JARID2: variants seen among roughly 807,000 people sequenced by gnomAD.
JARID2 encodes protein Jumonji.
Under a neutral mutation model 125.6 loss-of-function variants are expected in JARID2, and 21 were observed. That is an observed-to-expected ratio of 0.17 (90% CI 0.12 to 0.24). The LOEUF is 0.24. Ranked by LOEUF, JARID2 falls within the 10% of genes least tolerant of loss-of-function variation. JARID2 has a pLI of 1.00. For missense variants in JARID2, 1,303 were observed against 1,639.6 expected, an observed-to-expected ratio of 0.79 and a Z score of 3.55; for synonymous variants, 736 against 661.6, an observed-to-expected ratio of 1.11 and a Z score of -1.73.
chr6:15,369,377 CTAT>C (rs1412226050), intron 1 of JARID2: 14 of 402,042 alleles, frequency 3.5e-5, no homozygotes, highest in South Asian at 1.5e-4. Context: ...ATAAGAAATT[CTAT>C]TATTTTCAAA....
chr6:15,433,921 G>GGTGTGT (rs146025914), intron 3 of JARID2, among the ~76,000 whole-genome samples: 4,188 of 131,256 alleles, frequency 0.032, 89 homozygotes, highest in Admixed American at 0.038. Flanking sequence ...CACTCTCCAG[G>GGTGTGT]GTGTGTGTGT....
chr6:15,392,268 A>G (rs1273073880), intron 2 of JARID2, among the ~76,000 whole-genome samples: 1 of 152,098 alleles, frequency 6.6e-6, no homozygotes, highest in Non-Finnish European at 1.5e-5. Flanking sequence ...TACAGTTTTT[A>G]GTTTTCTGAA....
chr6:15,497,420 G>C (rs1404354516), intron 7 of JARID2, among the ~76,000 whole-genome samples: 1 of 152,160 alleles, frequency 6.6e-6, no homozygotes, highest in Non-Finnish European at 1.5e-5. Flanking sequence ...CCAGCACTTT[G>C]GGAGGCTGAG....
At chr6:15,433,688 C>T (rs1767069797) in intron 3 of JARID2, among the ~76,000 whole-genome samples, 1 of 152,078 alleles carries the variant, frequency 6.6e-6, no homozygotes, top group South Asian at 2.1e-4. Context: ...TCGATGCACC[C>T]ACTACTGCCC....
intron 3 of JARID2, among the ~76,000 whole-genome samples, chr6:15,413,410 T>C (rs1765991036): frequency 6.6e-6 from 1 of 152,204 alleles, no homozygotes; most frequent in Admixed American, 6.5e-5. Flanking sequence ...TGTTGTAGTT[T>C]GTTTCGTGTT....
intron 1 of JARID2, among the ~76,000 whole-genome samples, chr6:15,263,072 GTT>G (rs1491189529): frequency 2.4e-4 from 28 of 118,056 alleles, no homozygotes; most frequent in African/African-American, 6.6e-4. Flanking sequence ...GAGGGTGTGT[GTT>G]TGTGTGTGTG....
chr6:15,504,341 T>C (rs1284658881), intron 8 of JARID2, among the ~76,000 whole-genome samples, 159 bp from the exon 9 acceptor site: 1 of 152,236 alleles, frequency 6.6e-6, no homozygotes, highest in African/African-American at 2.4e-5. Flanking sequence ...TCTTAGAGAA[T>C]ATATTTCTTC....
chr6:15,293,965 G>C (rs1429478724), intron 1 of JARID2, among the ~76,000 whole-genome samples: 1 of 152,214 alleles, frequency 6.6e-6, no homozygotes, highest in Non-Finnish European at 1.5e-5. Context: ...TCTCTTTTCT[G>C]TGTGAGTAAA....
chr6:15,246,614 C>CT (rs1392764416), intron 1 of JARID2, 30 bp downstream of exon 1: 1 of 1,586,822 alleles, frequency 6.3e-7, no homozygotes, highest in East Asian at 2.2e-5. Context: ...CATCCTTTGA[C>CT]TTGCAGTTTT....
At chr6:15,330,624 A>G (rs1344801050) in intron 1 of JARID2, among the ~76,000 whole-genome samples, 2 of 152,266 alleles carry the variant, frequency 1.3e-5, no homozygotes, top group African/African-American at 2.4e-5. Flanking sequence ...TATTAAAAGC[A>G]TAGAGTGTAA....
At chr6:15,304,675 A>G (rs1163854278) in intron 1 of JARID2, among the ~76,000 whole-genome samples, 1 of 152,178 alleles carries the variant, frequency 6.6e-6, no homozygotes, top group Non-Finnish European at 1.5e-5. Context: ...AGGCTTTAAA[A>G]TCCACCCATA....
chr6:15,315,519 GC>G (rs1293494148), intron 1 of JARID2, among the ~76,000 whole-genome samples: 2 of 152,168 alleles, frequency 1.3e-5, no homozygotes, highest in African/African-American at 4.8e-5. Context: ...TGCTCAGTCT[GC>G]CATTTTAACA....
At position 15,517,392 on chromosome 6, in the gene JARID2, G is replaced by C. The variant is rs1311653488; in HGVS notation, c.3558+124G>C. 3 of 686,158 alleles carry C rather than the reference G, an allele frequency of 4.4e-6. No homozygotes were observed. In the East Asian group the frequency reaches 7.9e-5, roughly 18 times the overall value. The allele number at this position is 686,158 out of a possible 1,614,324, so 42.5% of individuals were successfully genotyped here. ...CGGGTAGTCAGGGCTCTGCAGGCCT[G>C]AGGTGCCCTGTTCTTAGGCCCTAAA... On this transcript the variant is annotated intron_variant, in intron 17 of 17. Coordinates refer to ENST00000341776, the MANE Select transcript of JARID2 (RefSeq NM_004973.4).
rs1351749521 is a variant in JARID2 at position 15,246,138 on chromosome 6, T to A, written c.-402T>A. Among the ~76,000 whole-genome samples, 1 of 152,116 alleles carries A rather than the reference T, an allele frequency of 6.6e-6. No homozygotes were observed. On this transcript the variant is annotated 5_prime_UTR_variant, in exon 1 of 18. Coordinates refer to ENST00000341776, the MANE Select transcript of JARID2 (RefSeq NM_004973.4). ...ACTTCCAACATTTTTTATTTATCTT[T>A]CCCTTTTCTTTTCCAAGATGTAACT...
chr6:15,415,120 C>T (rs1035410736), intron 3 of JARID2, among the ~76,000 whole-genome samples: 4 of 152,224 alleles, frequency 2.6e-5, no homozygotes, highest in Non-Finnish European at 5.9e-5. Flanking sequence ...TCAGAGAGCA[C>T]AGGGTTGGGG....
chr6:15,487,855 A>T (rs79072902), intron 6 of JARID2, among the ~76,000 whole-genome samples: 1 of 102,316 alleles, frequency 9.8e-6, no homozygotes, highest in Non-Finnish European at 1.8e-5. Context: ...AGTGGCAGGG[A>T]ACATGTTTTT....
intron 5 of JARID2, among the ~76,000 whole-genome samples, chr6:15,484,462 G>C (rs1769770220): frequency 6.6e-6 from 1 of 152,170 alleles, no homozygotes; most frequent in East Asian, 1.9e-4. Context: ...CTGCAGGGAG[G>C]GATATGAGGC....
intron 2 of JARID2, among the ~76,000 whole-genome samples, chr6:15,407,301 C>T (rs569397533): frequency 6.6e-6 from 1 of 152,014 alleles, no homozygotes; most frequent in Non-Finnish European, 1.5e-5. Context: ...CCCAGAGCAG[C>T]CAAAGCAGCA....
Position 15,512,324 on chromosome 6 carries a change from C to T in JARID2, c.3069C>T (p.Tyr1023=). The T allele has an allele frequency of 6.2e-7, 1 of 1,614,164 alleles. No homozygotes were observed. The highest frequency in any genetic ancestry group is 1.6e-4 in the Middle Eastern group (1 of 6,062). ...GSFVSKVCCG[Y]SVSETVHFAT... The stretch of plus-strand genomic sequence containing the variant: ...TTGTGTCCAAAGTGTGCTGTGGGTA[C>T]AGCGTGTCTGAAACCGTGCACTTTG... Residue 1023 remains tyrosine, a synonymous_variant, in exon 14 of 18, where the codon TAC becomes TAT. Coordinates refer to ENST00000341776, the MANE Select transcript of JARID2 (RefSeq NM_004973.4).
Sources: gnomAD v4.1 joint callset for allele counts (sites outside exome capture counted in the v4.1 genomes callset) on GRCh38, gnomAD v4.1.1 for gene constraint, MANE v1.5 for transcripts, NCBI Gene and HGNC (gene_info 2026-07-23, HGNC 2026-07-21) for gene names.